HID1: variants seen among roughly 807,000 people sequenced by gnomAD.
HID1 encodes protein HID1.
In HID1, 42 loss-of-function variants were observed where a neutral mutation model predicts 89.7. The ratio of observed to expected loss-of-function variants is 0.47; its 90% CI spans 0.37 to 0.61. HID1 has a LOEUF of 0.61. Ranked by LOEUF, HID1 falls within the 20% of genes least tolerant of loss-of-function variation. The pLI is 0.00. For synonymous variants in HID1, 442 were observed against 433.8 expected (o/e 1.02, Z -0.24); for missense variants, 854 against 1,039.3 (o/e 0.82, Z 2.45).
chr17:74,963,935 G>A (rs1299544671), intron 2 of HID1, 25 bp from the exon 3 acceptor site: 6 of 1,612,746 alleles, frequency 3.7e-6, no homozygotes, highest in Non-Finnish European at 3.4e-6. Context: ...AGGAGCAGAG[G>A]GCAGGCTGGA....
At chr17:74,952,968 C>G (rs745918756) in intron 16 of HID1, 38 bp downstream of exon 16, 1 of 1,530,700 alleles carries the variant, frequency 6.5e-7, no homozygotes. Flanking sequence ...CTGCCCAAAC[C>G]CCAGCCCCCG....
At chr17:74,963,156 G>A (rs182610076) in intron 3 of HID1, 75 bp from the exon 4 acceptor site, 2 of 1,083,002 alleles carry the variant, frequency 1.8e-6, no homozygotes, top group Admixed American at 2.2e-5. Flanking sequence ...TGGGGGTGGT[G>A]GAGGACAGGG....
rs969007839 is a variant in HID1 at position 74,952,036 on chromosome 17, C to T, written c.2172G>A (p.Leu724=). ...DKGLTDESEI[L]RFLQHGTLVG... is the part of the protein sequence containing the mutation. ...CCAGGGTGCCATGCTGCAGGAACCG[C>T]AGGATCTCAGACTCATCCGTCAGGC... Residue 724 remains leucine (L), a synonymous_variant, in exon 18 of 19, where the codon CTG becomes CTA. Coordinates refer to ENST00000425042, the MANE Select transcript of HID1 (RefSeq NM_030630.3). 1.3e-6 allele frequency: 2 copies of T among 1,558,554 alleles called. No homozygotes were observed. Among genetic ancestry groups the T allele is most frequent in the Non-Finnish European group, 1.7e-6 (2 of 1,150,742 alleles).
intron 17 of HID1, 93 bp downstream of exon 17, chr17:74,952,176 G>T: frequency 6.5e-7 from 1 of 1,527,282 alleles, no homozygotes; most frequent in East Asian, 2.3e-5. Context: ...AGCCTAGGCT[G>T]GCCCCGCCCA....
At chr17:74,960,585 T>G (rs2039464373) in intron 6 of HID1, among the ~76,000 whole-genome samples, 1 of 152,164 alleles carries the variant, frequency 6.6e-6, no homozygotes, top group African/African-American at 2.4e-5. Flanking sequence ...TCAAGAGATG[T>G]CAGGGTTCAA....
chr17:74,958,856 G>A lies in HID1; in HGVS notation c.1149+55C>T. The stretch of plus-strand genomic sequence containing the variant: ...AGTCTGACACTGTCCCTGCCCCCGG[G>A]TTATTGGGGCAGCTGCTCTCCATCT... On this transcript the variant is annotated intron_variant, in intron 9 of 18. Coordinates refer to ENST00000425042, the MANE Select transcript of HID1 (RefSeq NM_030630.3). The surrounding 1 kb of genome is among the most constrained non-coding windows in gnomAD (Gnocchi z 5.2). 1.9e-6 allele frequency: 3 copies of A among 1,582,418 alleles called. No individual in the cohort carries two copies. The highest frequency in any genetic ancestry group is 2.6e-6 in the Non-Finnish European group (3 of 1,163,456).
intron 18 of HID1, 101 bp from the exon 19 acceptor site, chr17:74,951,734 C>T: frequency 2.1e-6 from 3 of 1,396,646 alleles, no homozygotes; most frequent in Non-Finnish European, 3.0e-6. Context: ...CCCTTTCCAT[C>T]CCGATGTCCC....
chr17:74,952,121 A>C (rs1598613740), intron 17 of HID1, 58 bp from the exon 18 acceptor site: 1 of 1,529,346 alleles, frequency 6.5e-7, no homozygotes, highest in Non-Finnish European at 8.8e-7. Flanking sequence ...CACGGGGCTC[A>C]CCCTGGCCAC....
Position 74,953,291 on chromosome 17 carries a change from C to T in HID1, c.1972-205G>A, listed in dbSNP as rs552505515. ...CTGACAGGGCAGGCCGGGTAAAGGC[C>T]AGCTCAGATAAGGCGGAGGGATGAG... On this transcript the variant is annotated intron_variant, in intron 15 of 18. Coordinates refer to ENST00000425042, the MANE Select transcript of HID1 (RefSeq NM_030630.3). Among the ~76,000 whole-genome samples the T allele has an allele frequency of 1.7e-3, 258 of 152,318 alleles. 1 individual carries two copies. Among genetic ancestry groups the T allele is most frequent in the Middle Eastern group, 3.4e-3 (1 of 294 alleles).
intron 6 of HID1, among the ~76,000 whole-genome samples, chr17:74,960,976 A>G (rs1394540567): frequency 1.9e-5 from 2 of 107,802 alleles, no homozygotes; most frequent in African/African-American, 7.2e-5. Flanking sequence ...CCCACAGTCC[A>G]TGAGTGCCCC....
intron 1 of HID1, chr17:74,970,587 C>G (rs1372054756): frequency 6.6e-6 from 1 of 152,388 alleles, no homozygotes; most frequent in Non-Finnish European, 1.5e-5. Flanking sequence ...AGGCCTGACC[C>G]AGGACTGGAC....
rs940468782 is a variant in HID1 at position 74,958,396 on chromosome 17, T to C, written c.1323A>G (p.Lys441=). ...CCATGGGCACGCGGATTGAGTAGGGTTTGTTCAGCCGCACCCCGAAGTTCC... is the reference window on the plus strand; with the variant it reads ...CCATGGGCACGCGGATTGAGTAGGGCTTGTTCAGCCGCACCCCGAAGTTCC... ...GERNFGVRLN[K]PYSIRVPMDI... The change falls in exon 11 of 19, where the codon AAA becomes AAG. Residue 441 remains lysine (K), a synonymous_variant. Coordinates refer to ENST00000425042, the MANE Select transcript of HID1 (RefSeq NM_030630.3). This position sits in a 1 kb window ranked among gnomAD's most constrained non-coding sequence, Gnocchi z 5.2. The C allele has an allele frequency of 1.2e-6, 2 of 1,610,892 alleles. No individual in the cohort carries two copies. The highest frequency in any genetic ancestry group is 8.5e-7 in the Non-Finnish European group (1 of 1,178,810).
chr17:74,966,544 T>C (rs1431223889), intron 1 of HID1, among the ~76,000 whole-genome samples: 2 of 152,108 alleles, frequency 1.3e-5, no homozygotes, highest in East Asian at 3.8e-4. Context: ...ACAGCTTTTT[T>C]CCTTCTCTGA....
At chr17:74,961,745 G>A (rs779603649) in intron 6 of HID1, 128 bp downstream of exon 6, 28 of 488,852 alleles carry the variant, frequency 5.7e-5, no homozygotes, top group Admixed American at 1.5e-4. Flanking sequence ...TGGCTGGTAA[G>A]TTAAAGTTCA....
rs2039567436 is a variant in HID1 at position 74,966,591 on chromosome 17, C to T, written c.67-1959G>A. Among the ~76,000 whole-genome samples the T allele has an allele frequency of 2.0e-5, 3 of 151,986 alleles. No homozygotes were observed. In the South Asian group the frequency reaches 6.2e-4, roughly 32 times the overall value. ...CAATAAAACCTGAGGTCCCTGCTAC[C>T]ACCACAAGCCTGCACTTCATACATG... is the stretch of plus-strand genomic sequence containing the variant. On this transcript the variant is annotated intron_variant, in intron 1 of 18. Transcript: ENST00000425042.
intron 16 of HID1, 26 bp downstream of exon 16, chr17:74,952,980 T>C: frequency 6.4e-7 from 1 of 1,569,654 alleles, no homozygotes; most frequent in Non-Finnish European, 8.7e-7. Flanking sequence ...CAGCCCCCGC[T>C]CGCCTGGCAC....
intron 1 of HID1, among the ~76,000 whole-genome samples, chr17:74,971,196 G>A (rs781703784): frequency 6.6e-6 from 1 of 152,162 alleles, no homozygotes; most frequent in Non-Finnish European, 1.5e-5. Context: ...CTCCAACAAG[G>A]AGTTTCTTCC....
In HID1 at chr17:74,963,833, G is replaced by C; in HGVS notation, c.294C>G (p.Ser98Arg). The stretch of plus-strand genomic sequence containing the variant: ...AGGGCAGCACGCGGGTGAGCAGCCG[G>C]CTGCAGTTCAGGACGATCTGCTTCT... ...EKEKQIVLNC[S>R]RLLTRVLPYI... Residue 98 changes from serine (S) to arginine (R), a missense_variant, in exon 3 of 19, where the codon AGC becomes AGG. Coordinates refer to ENST00000425042, the MANE Select transcript of HID1 (RefSeq NM_030630.3). The C allele has an allele frequency of 6.2e-7, 1 of 1,614,098 alleles. No homozygotes were observed. The highest frequency in any genetic ancestry group is 8.5e-7 in the Non-Finnish European group (1 of 1,180,022).
At position 74,952,280 on chromosome 17, in the gene HID1, G is replaced by A. The variant is rs1418174016; in HGVS notation, c.2133C>T (p.Ile711=). ...GGCGCCCGACTCACTTGTCAATGCA[G>A]ATCTTCTCCACCTGCGGAACCAGCA... ...LQVLVPQVEK[I]CIDKGLTDES... is the part of the protein sequence containing the mutation. Residue 711 remains isoleucine, a synonymous_variant, in exon 17 of 19, where the codon ATC becomes ATT. Transcript: ENST00000425042. The A allele has an allele frequency of 1.2e-6, 2 of 1,613,398 alleles. No individual in the cohort carries two copies. The highest frequency in any genetic ancestry group is 1.7e-6 in the Non-Finnish European group (2 of 1,179,728).
Sources: gnomAD v4.1 joint callset for allele counts (sites outside exome capture counted in the v4.1 genomes callset) on GRCh38, gnomAD v4.1.1 for gene constraint, Gnocchi (gnomAD v3.1) non-coding constraint, MANE v1.5 for transcripts, NCBI Gene and HGNC (gene_info 2026-07-23, HGNC 2026-07-21) for gene names.